Variants in FBN1 observed in about 807,000 individuals in gnomAD.
The protein encoded by FBN1 is fibrillin 1.
FBN1 carries 29 observed loss-of-function variants against 365.1 expected under a neutral mutation model. That is an observed-to-expected ratio of 0.08 (90% confidence interval 0.06 to 0.11). The LOEUF (loss-of-function observed/expected upper bound fraction) is 0.11, where lower values mean the gene tolerates loss of function less well. Among genes scored for constraint, FBN1 ranks in the 10% least tolerant of loss-of-function variants. The pLI, the probability that FBN1 is intolerant of heterozygous loss-of-function variation, is 1.00. For synonymous variants in FBN1, 1,210 were observed against 1,270.5 expected, an observed-to-expected ratio of 0.95 and a Z score of 1.01; for missense variants, 2,476 against 3,703.2, an observed-to-expected ratio of 0.67 and a Z score of 8.60.
chr15:48,420,056 T>A (rs2141219748), intron 63 of FBN1, among the ~76,000 whole-genome samples: 1 of 152,300 alleles, frequency 6.6e-6, no homozygotes, highest in East Asian at 1.9e-4. Flanking sequence ...CCCTCCAAAC[T>A]CACAATGTTT....
rs576768619 is a variant in FBN1 at position 48,504,991 on chromosome 15, C to G, written c.1960+34G>C. ...CTTTATTGAGTGACAGAGGCTGAACCTCTCTCATAAGGTTAGCCATGATGT... is the reference window on the plus strand; with the variant it reads ...CTTTATTGAGTGACAGAGGCTGAACGTCTCTCATAAGGTTAGCCATGATGT... On this transcript the variant is annotated intron_variant, in intron 16 of 65. Transcript: ENST00000316623. The G allele has an allele frequency of 1.1e-5, 17 of 1,613,894 alleles. No homozygotes were observed. The South Asian group carries it at 1.2e-4, about 11-fold the overall frequency.
At chr15:48,604,476 A>G (rs1268529246) in intron 4 of FBN1, among the ~76,000 whole-genome samples, 1 of 152,228 alleles carries the variant, frequency 6.6e-6, no homozygotes, top group Non-Finnish European at 1.5e-5. Context: ...ATTTCCCTTA[A>G]GTGAACAGAT....
chr15:48,495,991 C>A lies in FBN1; in HGVS notation c.2419+109G>T. 2.9e-6 allele frequency: 4 copies of A among 1,393,716 alleles called. No individual in the cohort carries two copies. In the East Asian group the frequency reaches 9.2e-5, roughly 32 times the overall value. The allele number at this position is 1,393,716 out of a possible 1,614,324, so 86.3% of individuals were successfully genotyped here. On this transcript the variant is annotated intron_variant, in intron 20 of 65. Coordinates refer to ENST00000316623, the MANE Select transcript of FBN1 (RefSeq NM_000138.5). ...GTAGAACCACAGAATTTCAACTAAA[C>A]TGGCATAACTGTCTAAAATACAGGA...
At chr15:48,476,513 C>T (rs181491235) in intron 32 of FBN1, among the ~76,000 whole-genome samples, 275 of 152,258 alleles carry the variant, frequency 1.8e-3, no homozygotes, top group Admixed American at 3.7e-3. Flanking sequence ...AGGGGCAGAG[C>T]CAGGACCTCC....
chr15:48,531,743 CAG>C (rs1475509918), intron 8 of FBN1, among the ~76,000 whole-genome samples: 1 of 152,134 alleles, frequency 6.6e-6, no homozygotes, highest in Admixed American at 6.5e-5. Context: ...CAAGAGCTCT[CAG>C]GGTACTTCCT....
chr15:48,521,316 T>C (rs1214722750), intron 9 of FBN1, among the ~76,000 whole-genome samples: 8 of 152,150 alleles, frequency 5.3e-5, no homozygotes. Flanking sequence ...CAGACATAAG[T>C]TTTTGTTGTT....
chr15:48,574,657 C>G (rs1465734097), intron 6 of FBN1, among the ~76,000 whole-genome samples: 2 of 151,348 alleles, frequency 1.3e-5, no homozygotes, highest in Non-Finnish European at 2.9e-5. Context: ...CTTCTTATCA[C>G]TATAAAACCA....
intron 58 of FBN1, among the ~76,000 whole-genome samples, chr15:48,426,382 T>A (rs750587534): frequency 6.6e-6 from 1 of 152,132 alleles, no homozygotes; most frequent in African/African-American, 2.4e-5. Flanking sequence ...TTACATAATA[T>A]TGGGGAAATG....
At chr15:48,477,330 C>T (rs981974952) in intron 32 of FBN1, among the ~76,000 whole-genome samples, 1 of 152,172 alleles carries the variant, frequency 6.6e-6, no homozygotes, top group Non-Finnish European at 1.5e-5. Flanking sequence ...ATATTTACAA[C>T]AGGCTGTGTA....
intron 23 of FBN1, among the ~76,000 whole-genome samples, chr15:48,493,863 G>A (rs1311598723): frequency 6.6e-6 from 1 of 152,120 alleles, no homozygotes; most frequent in African/African-American, 2.4e-5. Flanking sequence ...AATAAAAAAT[G>A]CCAGGACAAA....
chr15:48,591,983 G>C (rs1371132108), intron 6 of FBN1, among the ~76,000 whole-genome samples: 2 of 152,134 alleles, frequency 1.3e-5, no homozygotes, highest in Non-Finnish European at 2.9e-5. Context: ...TCCTCCATAA[G>C]ATGGGACTTA....
intron 9 of FBN1, among the ~76,000 whole-genome samples, chr15:48,525,328 CA>C (rs2043901155): frequency 6.6e-6 from 1 of 152,166 alleles, no homozygotes; most frequent in African/African-American, 2.4e-5. Flanking sequence ...CTGACTGAAG[CA>C]AACTGCCCGC....
At chr15:48,635,171 T>C (rs542171130) in intron 2 of FBN1, among the ~76,000 whole-genome samples, 1 of 152,326 alleles carries the variant, frequency 6.6e-6, no homozygotes, top group South Asian at 2.1e-4. Flanking sequence ...AATGGAGCAG[T>C]TCTCCCACTC....
In FBN1 at chr15:48,462,615, C is replaced by A. The variant is rs146513585; in HGVS notation, c.5224+467G>T. On this transcript the variant is annotated intron_variant, in intron 42 of 65. Transcript: ENST00000316623. ...TTGTGTATTAGTCCTGCTCCTGGCT[C>A]TTTCTTATTCTTGTTTGCCATTTGC... is the stretch of plus-strand genomic sequence containing the variant. 4.7e-4 allele frequency among the ~76,000 whole-genome samples: 71 copies of A among 152,202 alleles called. 1 individual carries two copies. Among genetic ancestry groups the A allele is most frequent in the African/African-American group, 1.3e-3 (55 of 41,534 alleles).
chr15:48,572,535 C>T (rs199657331), intron 6 of FBN1, among the ~76,000 whole-genome samples: 1 of 143,270 alleles, frequency 7.0e-6, no homozygotes, highest in Non-Finnish European at 1.5e-5. Context: ...AAAAAAAAAA[C>T]AAAGACCCCT....
At chr15:48,515,640 T>C (rs1327440702) in intron 11 of FBN1, 113 bp from the exon 12 acceptor site, 3 of 1,426,664 alleles carry the variant, frequency 2.1e-6, no homozygotes, top group Non-Finnish European at 2.9e-6. Flanking sequence ...AGGATACTCT[T>C]TGGGCAAAGG....
At chr15:48,470,840 T>G in intron 35 of FBN1, 84 bp from the exon 36 acceptor site, 1 of 1,452,916 alleles carries the variant, frequency 6.9e-7, no homozygotes, top group Non-Finnish European at 9.4e-7. Flanking sequence ...GCAACTAATG[T>G]AAATACTAAG....
At chr15:48,499,810 T>C (rs1378959426) in intron 17 of FBN1, among the ~76,000 whole-genome samples, 2 of 152,152 alleles carry the variant, frequency 1.3e-5, no homozygotes, top group East Asian at 3.8e-4. Flanking sequence ...GAAAGGAAAC[T>C]AGTGTCCCCT....
At chr15:48,540,634 G>C (rs1365196488) in intron 6 of FBN1, among the ~76,000 whole-genome samples, 1 of 152,050 alleles carries the variant, frequency 6.6e-6, no homozygotes, top group Non-Finnish European at 1.5e-5. Context: ...CAGTCATCAA[G>C]ATTTTTATGA....
Sources: allele counts gnomAD v4.1 joint callset (sites outside exome capture counted in the v4.1 genomes callset), GRCh38; gene constraint gnomAD v4.1.1; transcripts MANE v1.5; gene names NCBI Gene and HGNC (gene_info 2026-07-23, HGNC 2026-07-21).